BCAS1: variants seen among roughly 807,000 people sequenced by gnomAD.
BCAS1 encodes the protein breast carcinoma-amplified sequence 1.
Under a neutral mutation model 65.4 loss-of-function variants are expected in BCAS1, and 46 were observed. The ratio of observed to expected loss-of-function variants is 0.70; its 90% confidence interval spans 0.55 to 0.90. BCAS1 has a LOEUF of 0.90. BCAS1 is among the 40% of genes least tolerant of loss of function. The pLI is 0.00. For synonymous variants in BCAS1, 298 were observed against 293.5 expected, an observed-to-expected ratio of 1.02 and a Z score of -0.16; for missense variants, 793 against 771.2, an observed-to-expected ratio of 1.03 and a Z score of -0.33.
At chr20:53,983,513 T>C (rs2090534710) in intron 8 of BCAS1, among the ~76,000 whole-genome samples, 1 of 152,222 alleles carries the variant, frequency 6.6e-6, no homozygotes, top group African/African-American at 2.4e-5. Flanking sequence ...TTTCTCAAAC[T>C]TTAGCCACTG....
At chr20:53,995,570 G>A (rs912963437) in intron 5 of BCAS1, among the ~76,000 whole-genome samples, 6 of 151,532 alleles carry the variant, frequency 4.0e-5, no homozygotes, top group Admixed American at 1.3e-4. Context: ...CCACAACACA[G>A]GGAGATATTT....
chr20:53,993,653 A>G (rs1423928798), intron 6 of BCAS1, among the ~76,000 whole-genome samples: 1 of 152,162 alleles, frequency 6.6e-6, no homozygotes, highest in African/African-American at 2.4e-5. Flanking sequence ...CCCATACTCC[A>G]CTGTTTAGAG....
chr20:53,946,360 T>C (rs149441601), intron 12 of BCAS1, among the ~76,000 whole-genome samples: 103 of 152,150 alleles, frequency 6.8e-4, no homozygotes, highest in South Asian at 1.2e-3. Context: ...TCCTAGAGTA[T>C]ACACAGCCCT....
rs368323547 is a variant in BCAS1, at chr20:53,994,914, CACAT to C, written c.927+94_927+97del. The C allele has an allele frequency of 4.6e-3, 4,223 of 920,468 alleles. 128 individuals are homozygous for C. The African/African-American group carries it at 0.061, about 13-fold the overall frequency. 57.0% of individuals were successfully genotyped at this position (920,468 alleles called of 1,614,324 possible). On this transcript the variant is annotated intron_variant, in intron 6 of 12. Transcript: ENST00000688948. ...ACACACACACACACACACACACACA[CACAT>C]ATATGTATTCAAAAAACAAGCAGGC... is the stretch of plus-strand genomic sequence containing the variant.
intron 4 of BCAS1, among the ~76,000 whole-genome samples, chr20:54,012,377 A>G (rs2091340369): frequency 6.6e-6 from 1 of 151,506 alleles, no homozygotes; most frequent in Non-Finnish European, 1.5e-5. Context: ...AGGTCTGAAG[A>G]TGTTACCGTT....
chr20:54,027,017 C>G (rs1311443571), intron 4 of BCAS1, among the ~76,000 whole-genome samples: 1 of 144,136 alleles, frequency 6.9e-6, no homozygotes, highest in Non-Finnish European at 1.5e-5. Context: ...GTGTCACACT[C>G]AGTAAAGAGC....
At chr20:53,991,596 A>G (rs914662352) in intron 7 of BCAS1, among the ~76,000 whole-genome samples, 1 of 152,214 alleles carries the variant, frequency 6.6e-6, no homozygotes, top group Non-Finnish European at 1.5e-5. Flanking sequence ...CTTCTTAGAC[A>G]TTGGAAGCAT....
intron 3 of BCAS1, among the ~76,000 whole-genome samples, chr20:54,057,131 A>T (rs1205293625): frequency 6.6e-6 from 1 of 152,208 alleles, no homozygotes; most frequent in African/African-American, 2.4e-5. Flanking sequence ...TTGAATATAC[A>T]GTCTTATACT....
chr20:54,032,681 G>A (rs981224807), intron 3 of BCAS1, among the ~76,000 whole-genome samples: 2 of 151,040 alleles, frequency 1.3e-5, no homozygotes, highest in Non-Finnish European at 3.0e-5. Flanking sequence ...AATCCTAGTT[G>A]CCGTCAAAAC....
At chr20:53,962,100 G>A (rs1273640437) in intron 10 of BCAS1, among the ~76,000 whole-genome samples, 3 of 152,182 alleles carry the variant, frequency 2.0e-5, no homozygotes, top group Non-Finnish European at 4.4e-5. Flanking sequence ...GCTTCCTTCA[G>A]AAATCTTTCC....
rs767075550 is a variant in BCAS1 at position 53,995,103 on chromosome 20, A to G, written c.883-47T>C. 6.6e-6 allele frequency: 10 copies of G among 1,526,000 alleles called. No homozygotes were observed. The South Asian group carries it at 1.1e-4, about 17-fold the overall frequency. The allele number at this position is 1,526,000 out of a possible 1,614,324, so 94.5% of individuals were successfully genotyped here. ...AATATTAGAAATCATTGCTCTTTAG[A>G]GTGATTTTTATTTCATAGATAAATA... On this transcript the variant is annotated intron_variant, in intron 5 of 12. Transcript: ENST00000688948.
intron 12 of BCAS1, among the ~76,000 whole-genome samples, chr20:53,945,718 T>C (rs1200978459): frequency 1.3e-5 from 2 of 152,242 alleles, no homozygotes; most frequent in Non-Finnish European, 2.9e-5. Flanking sequence ...ACATGGTACC[T>C]AGCCTTAACA....
intron 8 of BCAS1, among the ~76,000 whole-genome samples, chr20:53,982,256 ATAACT>A (rs2090501589): frequency 4.6e-5 from 7 of 152,238 alleles, no homozygotes; most frequent in Admixed American, 4.6e-4. Context: ...AATAGTGTAA[ATAACT>A]TATGTAAGGT....
chr20:53,956,774 C>T (rs2089713319), intron 11 of BCAS1, among the ~76,000 whole-genome samples: 1 of 151,942 alleles, frequency 6.6e-6, no homozygotes, highest in African/African-American at 2.4e-5. Context: ...ATATTTGATG[C>T]CATTTTTTGT....
Position 54,031,224 on chromosome 20 carries a change from C to A in BCAS1, c.143-2252G>T, listed in dbSNP as rs186907247. 8.7e-4 allele frequency among the ~76,000 whole-genome samples: 132 copies of A among 151,528 alleles called. No homozygotes were observed. The South Asian group carries it at 0.013, about 15-fold the overall frequency. Reference sequence around the variant, plus strand: ...ACACAAAGTACTTTCCATGGACAACCTTTTTTATTTTAAAGTGCCAATATG... The same window carrying A: ...ACACAAAGTACTTTCCATGGACAACATTTTTTATTTTAAAGTGCCAATATG... On this transcript the variant is annotated intron_variant, in intron 3 of 12. Transcript: ENST00000688948.
chr20:54,049,357 T>C (rs1646508283), intron 3 of BCAS1, among the ~76,000 whole-genome samples: 1 of 152,224 alleles, frequency 6.6e-6, no homozygotes, highest in Admixed American at 6.5e-5. Context: ...AGGGAAGGCA[T>C]GTCTTAGTCT....
chr20:53,955,453 A>C (rs1328735002), intron 11 of BCAS1, among the ~76,000 whole-genome samples: 2 of 152,246 alleles, frequency 1.3e-5, no homozygotes, highest in Admixed American at 1.3e-4. Context: ...GCTCTTCAGA[A>C]AGGCCAGAAA....
intron 9 of BCAS1, among the ~76,000 whole-genome samples, chr20:53,973,283 T>C (rs1422369612): frequency 6.6e-6 from 1 of 152,140 alleles, no homozygotes; most frequent in African/African-American, 2.4e-5. Context: ...TATTGAGCCT[T>C]AAAAATCAAA....
intron 12 of BCAS1, among the ~76,000 whole-genome samples, chr20:53,951,301 G>A (rs1045937914): frequency 5.3e-5 from 8 of 151,954 alleles, no homozygotes; most frequent in Admixed American, 1.3e-4. Context: ...GGAGAAACCC[G>A]TCTCTACTAA....
Sources: allele counts gnomAD v4.1 joint callset (sites outside exome capture counted in the v4.1 genomes callset), GRCh38; gene constraint gnomAD v4.1.1; transcripts MANE v1.5; gene names NCBI Gene and HGNC (gene_info 2026-07-23, HGNC 2026-07-21).